NUP153: variants seen among roughly 807,000 people sequenced by gnomAD.
The protein encoded by NUP153 is nuclear pore complex protein Nup153.
Under a neutral mutation model 134.6 loss-of-function variants are expected in NUP153, and 27 were observed. The observed-to-expected ratio is 0.20, with a 90% CI of 0.15 to 0.28. The LOEUF (loss-of-function observed/expected upper bound fraction) is 0.28. Ranked by LOEUF, NUP153 falls within the 10% of genes least tolerant of loss-of-function variation. The probability of loss-of-function intolerance (pLI) is 1.00; values close to 1 mark genes in which losing one functional copy is unlikely to be tolerated. For synonymous variants in NUP153, 640 were observed against 623.5 expected, an observed-to-expected ratio of 1.03 and a Z score of -0.40; for missense variants, 1,821 against 1,731.3, an observed-to-expected ratio of 1.05 and a Z score of -0.92.
chr6:17,632,324 AAAACAAAC>A (rs150960390), intron 17 of NUP153, among the ~76,000 whole-genome samples: 18 of 149,588 alleles, frequency 1.2e-4, no homozygotes, highest in Admixed American at 2.7e-4. Context: ...AACAAACAAA[AAAACAAAC>A]AAACAAAAAA....
chr6:17,686,888 G>A (rs1374277233), intron 2 of NUP153, among the ~76,000 whole-genome samples: 3 of 147,036 alleles, frequency 2.0e-5, no homozygotes, highest in Admixed American at 1.4e-4. Context: ...AGCCGGGGGC[G>A]GGCGGCGGGG....
chr6:17,616,692 G>A lies in NUP153; in HGVS notation c.4178C>T (p.Ser1393Leu), dbSNP rs761600273. The A allele has an allele frequency of 5.6e-6, 9 of 1,611,106 alleles. No homozygotes were observed. Among genetic ancestry groups the A allele is most frequent in the East Asian group, 2.2e-5 (1 of 44,834 alleles). ...AGTGCTGCTGCCAAACTGGAAAGCC[G>A]AACCTGCAATAGTTAAAGCAGAAAT... ...FGSGTTPNSSSAFQFGSSTTN... is the reference protein window; with the variant it reads ...FGSGTTPNSSLAFQFGSSTTN... Residue 1393 changes from serine (S) to leucine (L), a missense_variant, in exon 21 of 22, where the codon TCG (serine) becomes TTG (leucine). Coordinates refer to ENST00000262077, the MANE Select transcript of NUP153 (RefSeq NM_005124.4).
chr6:17,618,323 T>G (rs1048577948), intron 20 of NUP153, among the ~76,000 whole-genome samples: 2 of 152,092 alleles, frequency 1.3e-5, no homozygotes, highest in African/African-American at 2.4e-5. Context: ...TACCAGGCAT[T>G]TGAGGACAGT....
chr6:17,695,996 G>A (rs141446931), intron 1 of NUP153, among the ~76,000 whole-genome samples: 2,230 of 151,552 alleles, frequency 0.015, 68 homozygotes, highest in African/African-American at 0.051. Flanking sequence ...GTGACAGAGT[G>A]AGACTCCGTC....
intron 11 of NUP153, among the ~76,000 whole-genome samples, chr6:17,656,489 T>G (rs1049848808): frequency 3.0e-4 from 46 of 151,974 alleles, no homozygotes; most frequent in African/African-American, 1.1e-3. Context: ...ATCCTCCCAC[T>G]TCAGCCTCCC....
intron 17 of NUP153, among the ~76,000 whole-genome samples, chr6:17,631,416 C>A (rs1478455084): frequency 6.6e-6 from 1 of 152,100 alleles, no homozygotes; most frequent in East Asian, 1.9e-4. Context: ...GGATATGTTG[C>A]CTGGCAGTGA....
intron 1 of NUP153, among the ~76,000 whole-genome samples, chr6:17,693,296 G>A (rs936468347): frequency 6.6e-6 from 1 of 151,464 alleles, no homozygotes; most frequent in African/African-American, 2.4e-5. Flanking sequence ...CTGTTTCTAT[G>A]GACTGCACTA....
intron 20 of NUP153, among the ~76,000 whole-genome samples, chr6:17,618,722 C>T (rs889842432): frequency 1.4e-4 from 22 of 152,082 alleles, no homozygotes; most frequent in African/African-American, 3.4e-4. Context: ...CCCGCCACCA[C>T]GCCTGGCTAA....
At chr6:17,699,810 G>A (rs1328303679) in intron 1 of NUP153, among the ~76,000 whole-genome samples, 1 of 152,174 alleles carries the variant, frequency 6.6e-6, no homozygotes, top group African/African-American at 2.4e-5. Flanking sequence ...ACTCCAGCCT[G>A]GGTGACAGAG....
chr6:17,636,741 T>C (rs1765570754), intron 16 of NUP153, among the ~76,000 whole-genome samples: 1 of 152,192 alleles, frequency 6.6e-6, no homozygotes, highest in East Asian at 1.9e-4. Context: ...AGCCTTTTCA[T>C]TAACGACTAT....
At chr6:17,640,182 A>G (rs557786246) in intron 14 of NUP153, 118 bp from the exon 15 acceptor site, 5 of 780,714 alleles carry the variant, frequency 6.4e-6, no homozygotes, top group African/African-American at 5.4e-5. Flanking sequence ...TCATGAAAAA[A>G]GTCACTTTAA....
chr6:17,645,242 CAAAA>C (rs1010515280), intron 14 of NUP153, among the ~76,000 whole-genome samples: 7 of 68,812 alleles, frequency 1.0e-4, no homozygotes, highest in Admixed American at 1.7e-4. Context: ...GACTCTGTCT[CAAAA>C]AAAAAAAAAA....
At position 17,646,262 on chromosome 6, in the gene NUP153, C is replaced by T. The variant is rs186275086; in HGVS notation, c.1633-108G>A. On this transcript the variant is annotated intron_variant, in intron 13 of 21. Coordinates refer to ENST00000262077, the MANE Select transcript of NUP153 (RefSeq NM_005124.4). Reference sequence around the variant, plus strand: ...TTACTCTGTCGCCCAGGCTGGAGTGCAGTGGCGCAATCCTGGCTCACTGCA... The same window carrying T: ...TTACTCTGTCGCCCAGGCTGGAGTGTAGTGGCGCAATCCTGGCTCACTGCA... 39 of 524,802 alleles carry T rather than the reference C, an allele frequency of 7.4e-5. 1 individual carries two copies. The Admixed American group carries it at 1.1e-3, about 15-fold the overall frequency. The allele number at this position is 524,802 out of a possible 1,614,324, so 32.5% of individuals were successfully genotyped here.
At chr6:17,673,587 A>G (rs1284285302) in intron 5 of NUP153, among the ~76,000 whole-genome samples, 1 of 152,214 alleles carries the variant, frequency 6.6e-6, no homozygotes, top group African/African-American at 2.4e-5. Context: ...ATAAGCACCA[A>G]ATAAACACAT....
At chr6:17,643,530 ATAATT>A (rs1349703892) in intron 14 of NUP153, among the ~76,000 whole-genome samples, 1 of 152,098 alleles carries the variant, frequency 6.6e-6, no homozygotes, top group African/African-American at 2.4e-5. Context: ...AAACAAACTT[ATAATT>A]TAATCACGTT....
rs1277599828 is a variant in NUP153 at position 17,637,634 on chromosome 6, T to C, written c.1983A>G (p.Ser661=). ...GFGESLKAGS[S]WQCDTCLLQN... ...GGAGTAGACATGTATCACACTGCCATGATGACCCAGCTTTTAAACTCTCCC... is the reference window on the plus strand; with the variant it reads ...GGAGTAGACATGTATCACACTGCCACGATGACCCAGCTTTTAAACTCTCCC... The change falls in exon 16 of 22, where the codon TCA becomes TCG. Residue 661 remains serine (S), a synonymous_variant. Transcript: ENST00000262077. 1.9e-6 allele frequency: 3 copies of C among 1,614,048 alleles called. No individual in the cohort carries two copies. Among genetic ancestry groups the C allele is most frequent in the Non-Finnish European group, 2.5e-6 (3 of 1,180,044 alleles).
intron 17 of NUP153, among the ~76,000 whole-genome samples, chr6:17,631,109 C>T (rs1370692595): frequency 6.6e-6 from 1 of 152,074 alleles, no homozygotes; most frequent in Non-Finnish European, 1.5e-5. Context: ...AGTTGTATAC[C>T]ATTAATCATC....
At position 17,627,258 on chromosome 6, in the gene NUP153, G is replaced by A. The variant is rs556785819; in HGVS notation, c.3545-1094C>T. Among the ~76,000 whole-genome samples the A allele has an allele frequency of 2.0e-5, 3 of 152,192 alleles. No individual in the cohort carries two copies. In the South Asian group the frequency reaches 6.2e-4, roughly 32 times the overall value. On this transcript the variant is annotated intron_variant, in intron 18 of 21. Transcript: ENST00000262077. The stretch of plus-strand genomic sequence containing the variant: ...ATCAAATCTGATTAGACCCTATCAT[G>A]TTTTTGTTGCTTTCCAAATAATATG...
Position 17,637,436 on chromosome 6 carries a change from A to G in NUP153, c.2181T>C (p.Asp727=), listed in dbSNP as rs1225397341. 1 of 1,614,226 alleles carries G rather than the reference A, an allele frequency of 6.2e-7. No homozygotes were observed. Among genetic ancestry groups the G allele is most frequent in the Non-Finnish European group, 8.5e-7 (1 of 1,180,046 alleles). The change falls in exon 16 of 22, where the codon GAT becomes GAC. Residue 727 remains aspartate, a synonymous_variant. Coordinates refer to ENST00000262077, the MANE Select transcript of NUP153 (RefSeq NM_005124.4). Reference sequence around the variant, plus strand: ...TATTTTGCACTAAACAGGTATCACAATCCCAAGTGCCTATCACTGGTTTAA... The same window carrying G: ...TATTTTGCACTAAACAGGTATCACAGTCCCAAGTGCCTATCACTGGTTTAA... ...DKFKPVIGTW[D]CDTCLVQNKP...
Sources: allele counts gnomAD v4.1 joint callset (sites outside exome capture counted in the v4.1 genomes callset), GRCh38; gene constraint gnomAD v4.1.1; transcripts MANE v1.5; gene names NCBI Gene and HGNC (gene_info 2026-07-23, HGNC 2026-07-21).